The following KCND2 variants were observed in gnomAD, a reference collection of about 807,000 sequenced individuals.
KCND2 encodes the protein A-type voltage-gated potassium channel KCND2.
KCND2 carries 16 observed loss-of-function variants against 54.4 expected under a neutral mutation model. The ratio of observed to expected loss-of-function variants is 0.29; its 90% confidence interval spans 0.20 to 0.45. The LOEUF (loss-of-function observed/expected upper bound fraction) is 0.45. Among genes scored for constraint, KCND2 ranks in the 20% least tolerant of loss-of-function variants. The pLI is 1.00. For synonymous variants in KCND2, 317 were observed against 310.7 expected, an observed-to-expected ratio of 1.02 and a Z score of -0.21; for missense variants, 486 against 824.2, an observed-to-expected ratio of 0.59 and a Z score of 5.02.
chr7:120,745,235 T>C (rs1218463750), intron 4 of KCND2, among the ~76,000 whole-genome samples: 1 of 152,164 alleles, frequency 6.6e-6, no homozygotes, highest in Admixed American at 6.6e-5. Flanking sequence ...GTACTGGGCA[T>C]TTTTAGAGGA....
intron 1 of KCND2, among the ~76,000 whole-genome samples, chr7:120,454,118 T>C (rs894473986): frequency 6.6e-6 from 1 of 151,540 alleles, no homozygotes; most frequent in Non-Finnish European, 1.5e-5. Context: ...TAAAAAGATC[T>C]CAAATTAACA....
chr7:120,465,312 T>C (rs897192723), intron 1 of KCND2, among the ~76,000 whole-genome samples: 1 of 151,400 alleles, frequency 6.6e-6, no homozygotes, highest in Non-Finnish European at 1.5e-5. Context: ...TAAGGCAAAA[T>C]GTGTAATCGG....
chr7:120,697,607 A>G (rs976336507), intron 1 of KCND2, among the ~76,000 whole-genome samples: 1 of 152,234 alleles, frequency 6.6e-6, no homozygotes, highest in Admixed American at 6.5e-5. Flanking sequence ...ACATGAAAGG[A>G]TATAAAATGC....
intron 1 of KCND2, among the ~76,000 whole-genome samples, chr7:120,321,346 C>A (rs1473627030): frequency 6.6e-6 from 1 of 151,932 alleles, no homozygotes; most frequent in African/African-American, 2.4e-5. Context: ...ATTGTTTAGG[C>A]ATGTCTTGAA....
At chr7:120,655,211 T>C (rs1232205146) in intron 1 of KCND2, among the ~76,000 whole-genome samples, 1 of 152,040 alleles carries the variant, frequency 6.6e-6, no homozygotes, top group Non-Finnish European at 1.5e-5. Flanking sequence ...CCCCAGGAAG[T>C]AAATAAACTT....
At chr7:120,635,814 A>T (rs970665649) in intron 1 of KCND2, among the ~76,000 whole-genome samples, 2 of 152,194 alleles carry the variant, frequency 1.3e-5, no homozygotes, top group Non-Finnish European at 2.9e-5. Flanking sequence ...TTGACTTTGA[A>T]AATAAAAGTA....
chr7:120,330,623 T>C (rs1800053601), intron 1 of KCND2, among the ~76,000 whole-genome samples: 1 of 141,506 alleles, frequency 7.1e-6, no homozygotes, highest in Non-Finnish European at 1.5e-5. Flanking sequence ...CTAACATTAC[T>C]CTTCTCAATA....
chr7:120,553,721 T>C (rs1452496338), intron 1 of KCND2, among the ~76,000 whole-genome samples: 2 of 152,216 alleles, frequency 1.3e-5, no homozygotes, highest in Non-Finnish European at 2.9e-5. Flanking sequence ...ATTAGATCAC[T>C]CAGGAAATGA....
intron 1 of KCND2, among the ~76,000 whole-genome samples, chr7:120,438,127 TCA>T (rs1222797116): frequency 6.6e-6 from 1 of 152,196 alleles, no homozygotes; most frequent in Non-Finnish European, 1.5e-5. Context: ...CCAGCCCATA[TCA>T]CAACAAAGGT....
intron 1 of KCND2, among the ~76,000 whole-genome samples, chr7:120,538,765 G>C (rs1288772396): frequency 6.6e-6 from 1 of 152,172 alleles, no homozygotes; most frequent in East Asian, 1.9e-4. Flanking sequence ...ATGGGCAGGA[G>C]GCCGATATGG....
chr7:120,687,740 A>T lies in KCND2; in HGVS notation c.1116-45163A>T, dbSNP rs143062206. 9.6e-3 allele frequency among the ~76,000 whole-genome samples: 1,465 copies of T among 152,112 alleles called. 17 individuals are homozygous for T. Among genetic ancestry groups the T allele is most frequent in the African/African-American group, 0.033 (1,364 of 41,358 alleles). ...TTGTCAATTCAAAATACATTTTTTTAAAATGATAAAACATAATACTAATCA... is the reference window on the plus strand; with the variant it reads ...TTGTCAATTCAAAATACATTTTTTTTAAATGATAAAACATAATACTAATCA... On this transcript the variant is annotated intron_variant, in intron 1 of 5. Transcript: ENST00000331113.
chr7:120,371,311 A>G (rs779936735), intron 1 of KCND2, among the ~76,000 whole-genome samples: 13 of 152,080 alleles, frequency 8.5e-5, no homozygotes, highest in Middle Eastern at 3.2e-3. Flanking sequence ...GCACTGCCTT[A>G]TTTTTAATCA....
At chr7:120,726,131 C>A (rs1408353937) in intron 1 of KCND2, among the ~76,000 whole-genome samples, 3 of 150,510 alleles carry the variant, frequency 2.0e-5, no homozygotes, top group African/African-American at 4.9e-5. Flanking sequence ...TTAGCTGATC[C>A]AAAAAAAAAT....
intron 1 of KCND2, among the ~76,000 whole-genome samples, chr7:120,313,275 T>G (rs577663070): frequency 6.6e-6 from 1 of 152,172 alleles, no homozygotes; most frequent in Non-Finnish European, 1.5e-5. Context: ...TTAAACAAAT[T>G]GATTGATAAA....
intron 4 of KCND2, among the ~76,000 whole-genome samples, chr7:120,745,314 T>G (rs1292283937): frequency 6.6e-6 from 1 of 152,184 alleles, no homozygotes; most frequent in African/African-American, 2.4e-5. Flanking sequence ...CACTCCCATG[T>G]GAAAAGATTT....
chr7:120,468,372 G>A (rs943650134), intron 1 of KCND2, among the ~76,000 whole-genome samples: 1 of 152,050 alleles, frequency 6.6e-6, no homozygotes, highest in African/African-American at 2.4e-5. Flanking sequence ...TTTCTCTACA[G>A]TGGGTTGGAA....
intron 1 of KCND2, among the ~76,000 whole-genome samples, chr7:120,366,352 G>C (rs746318528): frequency 1.3e-5 from 2 of 151,906 alleles, no homozygotes; most frequent in African/African-American, 2.4e-5. Context: ...GGACGTGGTG[G>C]CGCATGCCTG....
At chr7:120,375,425 C>A (rs765177004) in intron 1 of KCND2, among the ~76,000 whole-genome samples, 9 of 151,732 alleles carry the variant, frequency 5.9e-5, no homozygotes, top group Non-Finnish European at 1.0e-4. Flanking sequence ...TTATTACATA[C>A]CATACAGAAT....
chr7:120,716,360 C>T (rs752907100), intron 1 of KCND2, among the ~76,000 whole-genome samples: 1 of 151,958 alleles, frequency 6.6e-6, no homozygotes, highest in Non-Finnish European at 1.5e-5. Context: ...CTACATTAAT[C>T]TGTTTATTAG....
Sources: allele counts gnomAD v4.1 joint callset (sites outside exome capture counted in the v4.1 genomes callset), GRCh38; gene constraint gnomAD v4.1.1; transcripts MANE v1.5; gene names NCBI Gene and HGNC (gene_info 2026-07-23, HGNC 2026-07-21).